FKTN: variants seen among roughly 807,000 people sequenced by gnomAD.
The protein encoded by FKTN is fukutin.
In FKTN, 47 loss-of-function variants were observed where a neutral mutation model predicts 58.6. That is an observed-to-expected ratio of 0.80 (90% confidence interval 0.63 to 1.02). The LOEUF (loss-of-function observed/expected upper bound fraction) is 1.02. Ranked by LOEUF, FKTN falls within the 50% of genes least tolerant of loss-of-function variation. FKTN has a pLI of 0.00. For missense variants in FKTN, 516 were observed against 537.3 expected, an observed-to-expected ratio of 0.96 and a Z score of 0.39; for synonymous variants, 178 against 191.9, an observed-to-expected ratio of 0.93 and a Z score of 0.60.
chr9:105,632,078 C>CT (rs1468803427), intron 10 of FKTN, among the ~76,000 whole-genome samples: 5 of 151,660 alleles, frequency 3.3e-5, no homozygotes, highest in Non-Finnish European at 7.4e-5. Flanking sequence ...CCATGGAATA[C>CT]TATGCAGCCA....
intron 1 of FKTN, among the ~76,000 whole-genome samples, chr9:105,559,547 G>A (rs556267195): frequency 1.3e-5 from 2 of 152,232 alleles, no homozygotes; most frequent in Non-Finnish European, 2.9e-5. Context: ...AGCCGGGTGT[G>A]GTGGCGGGCG....
chr9:105,620,147 C>T (rs142935024), intron 10 of FKTN, 86 bp downstream of exon 10: 1 of 1,183,352 alleles, frequency 8.5e-7, no homozygotes, highest in Non-Finnish European at 1.2e-6. Flanking sequence ...GAAAAGAAAA[C>T]CAAAAATCTC....
chr9:105,594,663 T>C (rs1010006969), intron 3 of FKTN, among the ~76,000 whole-genome samples: 2 of 152,200 alleles, frequency 1.3e-5, no homozygotes, highest in African/African-American at 4.8e-5. Context: ...GGAGTATCAC[T>C]TGAGTCTGGG....
rs76624102 is a variant in FKTN at position 105,626,166 on chromosome 9, G to A, written c.1172+6105G>A. Reference sequence around the variant, plus strand: ...GATATTTGGGTTGTTTTCAATTTGGGGCTATTATAGGTGATGCTGTAGTGA... The same window carrying A: ...GATATTTGGGTTGTTTTCAATTTGGAGCTATTATAGGTGATGCTGTAGTGA... On this transcript the variant is annotated intron_variant, in intron 10 of 10. Coordinates refer to ENST00000357998, the MANE Select transcript of FKTN (RefSeq NM_001079802.2). Among the ~76,000 whole-genome samples, 970 of 152,148 alleles carry A rather than the reference G, an allele frequency of 6.4e-3. 16 individuals carry two copies. Among genetic ancestry groups the A allele is most frequent in the African/African-American group, 0.022 (930 of 41,498 alleles).
chr9:105,622,229 C>T (rs1832091058), intron 10 of FKTN, among the ~76,000 whole-genome samples: 1 of 151,984 alleles, frequency 6.6e-6, no homozygotes, highest in Admixed American at 6.6e-5. Flanking sequence ...AATGTATCAT[C>T]TCACCTTCTC....
chr9:105,617,872 A>T, intron 8 of FKTN, 87 bp from the exon 9 acceptor site: 1 of 917,352 alleles, frequency 1.1e-6, no homozygotes, highest in South Asian at 1.6e-5. Context: ...AAAAAGAAAA[A>T]AAATCCTTGT....
At chr9:105,567,141 C>T (rs562954452) in intron 1 of FKTN, among the ~76,000 whole-genome samples, 8 of 152,112 alleles carry the variant, frequency 5.3e-5, no homozygotes, top group African/African-American at 9.7e-5. Context: ...ATTGATGGGA[C>T]GTATCTCAAA....
chr9:105,597,763 A>G (rs957206690), intron 4 of FKTN, among the ~76,000 whole-genome samples: 2 of 152,244 alleles, frequency 1.3e-5, no homozygotes, highest in East Asian at 3.9e-4. Flanking sequence ...GATCTTTCAT[A>G]CATTTTAACA....
intron 3 of FKTN, among the ~76,000 whole-genome samples, chr9:105,591,474 A>G (rs1156489841): frequency 6.6e-6 from 1 of 152,206 alleles, no homozygotes; most frequent in Non-Finnish European, 1.5e-5. Flanking sequence ...CAGGTTACTC[A>G]TTAAGTCTTA....
rs1420526074 is a variant in FKTN, at chr9:105,637,379, A to G, written c.*2115A>G. ...ACACAGGTTCTATATTCTTCCCTACATAGACCACTGGCTGCTGAAATACTT... is the reference window on the plus strand; with the variant it reads ...ACACAGGTTCTATATTCTTCCCTACGTAGACCACTGGCTGCTGAAATACTT... On this transcript the variant is annotated 3_prime_UTR_variant, in exon 11 of 11. Coordinates refer to ENST00000357998, the MANE Select transcript of FKTN (RefSeq NM_001079802.2). 1.1e-5 allele frequency: 11 copies of G among 985,270 alleles called. No homozygotes were observed. In the African/African-American group the frequency reaches 1.4e-4, roughly 13 times the overall value. The allele number at this position is 985,270 out of a possible 1,614,324, so 61.0% of individuals were successfully genotyped here.
At position 105,574,926 on chromosome 9, in the gene FKTN, A is replaced by G. The variant is rs1362887537; in HGVS notation, c.-88-19A>G. 8 of 728,462 alleles carry G rather than the reference A, an allele frequency of 1.1e-5. No homozygotes were observed. The highest frequency in any genetic ancestry group is 2.0e-5 in the Non-Finnish European group (8 of 397,262). 45.1% of individuals were successfully genotyped at this position (728,462 alleles called of 1,614,324 possible). On this transcript the variant is annotated intron_variant, in intron 2 of 10. Coordinates refer to ENST00000357998, the MANE Select transcript of FKTN (RefSeq NM_001079802.2). ...TAAAGAGGTTTTTGTTTCTTTAAAA[A>G]TATCTTTTTTGTTCACAGAAAACAA...
intron 1 of FKTN, among the ~76,000 whole-genome samples, chr9:105,567,027 A>T (rs1471546778): frequency 4.6e-5 from 7 of 152,232 alleles, no homozygotes; most frequent in Non-Finnish European, 8.8e-5. Context: ...ACATATAAAC[A>T]GAACCAACAA....
chr9:105,617,502 C>G (rs1831033617), intron 8 of FKTN, among the ~76,000 whole-genome samples: 1 of 151,962 alleles, frequency 6.6e-6, no homozygotes, highest in East Asian at 1.9e-4. Context: ...TCTTAACAGC[C>G]CCCTCTATCA....
At chr9:105,609,677 A>T (rs1429570868) in intron 7 of FKTN, among the ~76,000 whole-genome samples, 1 of 152,056 alleles carries the variant, frequency 6.6e-6, no homozygotes, top group Non-Finnish European at 1.5e-5. Flanking sequence ...AGTGTCCCTC[A>T]TTTGGGGTTT....
intron 10 of FKTN, among the ~76,000 whole-genome samples, chr9:105,631,057 C>A (rs1250387712): frequency 1.3e-5 from 2 of 152,026 alleles, no homozygotes; most frequent in Non-Finnish European, 2.9e-5. Context: ...TGCTTGAACC[C>A]GAGAGGTGGA....
chr9:105,582,638 A>G (rs1002813541), intron 3 of FKTN, among the ~76,000 whole-genome samples: 2 of 152,308 alleles, frequency 1.3e-5, no homozygotes, highest in Admixed American at 6.5e-5. Flanking sequence ...GACTATACTG[A>G]TTCTACTTTT....
chr9:105,559,502 G>A (rs1213904535), intron 1 of FKTN, among the ~76,000 whole-genome samples: 1 of 152,040 alleles, frequency 6.6e-6, no homozygotes, highest in Non-Finnish European at 1.5e-5. Flanking sequence ...GGCCAACATG[G>A]TGAAACCCTA....
At chr9:105,597,628 C>G (rs549735100) in intron 4 of FKTN, among the ~76,000 whole-genome samples, 1 of 152,228 alleles carries the variant, frequency 6.6e-6, no homozygotes, top group Admixed American at 6.5e-5. Context: ...TAACACTTCT[C>G]TACCTCCATC....
At chr9:105,609,640 G>A (rs1218449342) in intron 7 of FKTN, among the ~76,000 whole-genome samples, 1 of 152,040 alleles carries the variant, frequency 6.6e-6, no homozygotes, top group Non-Finnish European at 1.5e-5. Context: ...TAATACTTTG[G>A]AAGATTACAA....
Sources: gnomAD v4.1 joint callset for allele counts (sites outside exome capture counted in the v4.1 genomes callset) on GRCh38, gnomAD v4.1.1 for gene constraint, MANE v1.5 for transcripts, NCBI Gene and HGNC (gene_info 2026-07-23, HGNC 2026-07-21) for gene names.